The following PDZD2 variants were observed in gnomAD, a reference collection of about 807,000 sequenced individuals.
PDZD2 encodes PDZ domain containing 2, also known as PDZ domain-containing protein 2.
A neutral mutation model predicts 220.7 loss-of-function variants in PDZD2; 90 were observed. The ratio of observed to expected loss-of-function variants is 0.41; its 90% CI spans 0.34 to 0.49. The LOEUF is 0.49. Among genes scored for constraint, PDZD2 ranks in the 20% least tolerant of loss-of-function variants. PDZD2 has a pLI of 0.28. For missense variants in PDZD2, 3,174 were observed against 3,608.5 expected (o/e 0.88, Z 3.08); for synonymous variants, 1,375 against 1,450.5 (o/e 0.95, Z 1.18).
chr5:31,810,891 G>A (rs1755071679), intron 2 of PDZD2, among the ~76,000 whole-genome samples: 1 of 152,228 alleles, frequency 6.6e-6, no homozygotes, highest in Admixed American at 6.5e-5. Flanking sequence ...ATTTCTTCAT[G>A]GGATTCTTCT....
Position 32,013,864 on chromosome 5 carries a change from G to C in PDZD2, c.1407+3382G>C, listed in dbSNP as rs145232376. Among the ~76,000 whole-genome samples the C allele has an allele frequency of 2.7e-3, 410 of 152,220 alleles. 3 individuals carry two copies. The highest frequency in any genetic ancestry group is 0.019 in the Admixed American group (283 of 15,288). On this transcript the variant is annotated intron_variant, in intron 6 of 24. Coordinates refer to ENST00000438447, the MANE Select transcript of PDZD2 (RefSeq NM_178140.4). ...GGCTTCATGCCTGGCCATCACCAAA[G>C]CCTCAACACCCATCATTTCTCAGCC...
At chr5:31,963,043 A>T (rs1353255878) in intron 2 of PDZD2, among the ~76,000 whole-genome samples, 2 of 151,488 alleles carry the variant, frequency 1.3e-5, no homozygotes, top group Admixed American at 1.3e-4. Flanking sequence ...ACACTTGGTA[A>T]TGAAGTGAGT....
intron 1 of PDZD2, among the ~76,000 whole-genome samples, chr5:31,670,716 C>T (rs534066695): frequency 9.2e-5 from 14 of 152,200 alleles, no homozygotes; most frequent in Non-Finnish European, 1.5e-4. Flanking sequence ...CCACCGCGCC[C>T]GGCCAGTTTG....
chr5:31,709,849 G>A (rs760238767), intron 1 of PDZD2, among the ~76,000 whole-genome samples: 25 of 152,194 alleles, frequency 1.6e-4, no homozygotes, highest in Non-Finnish European at 2.5e-4. Flanking sequence ...CCAGCTACTC[G>A]GGAGGCTGAG....
intron 1 of PDZD2, among the ~76,000 whole-genome samples, chr5:31,783,524 G>A (rs1479148471): frequency 6.6e-6 from 1 of 152,148 alleles, no homozygotes; most frequent in African/African-American, 2.4e-5. Context: ...GTCTCACTTG[G>A]CACAGTCTGC....
At chr5:31,886,927 G>C (rs919199265) in intron 2 of PDZD2, among the ~76,000 whole-genome samples, 3 of 152,162 alleles carry the variant, frequency 2.0e-5, no homozygotes, top group African/African-American at 7.2e-5. Context: ...TTAAACTCCT[G>C]ACCTCAGGTG....
At position 32,090,541 on chromosome 5, in the gene PDZD2, T is replaced by G. The variant is rs781591047; in HGVS notation, c.7093T>G (p.Ser2365Ala). 33 of 1,613,676 alleles carry G rather than the reference T, an allele frequency of 2.0e-5. No homozygotes were observed. The change falls in exon 20 of 25, where the codon TCC becomes GCC. Residue 2365 changes from serine (S) to alanine (A), a missense_variant. Transcript: ENST00000438447. This position sits in a 1 kb window ranked among gnomAD's most constrained non-coding sequence, Gnocchi z 4.3. ...GGCTTCCCCATTTTTGTCGGTGAGCTCCAAGCCTCCCATTGGGAGGCGGTC... is the reference window on the plus strand; with the variant it reads ...GGCTTCCCCATTTTTGTCGGTGAGCGCCAAGCCTCCCATTGGGAGGCGGTC... ...SGASPFLSVS[S>A]KPPIGRRSSG...
intron 14 of PDZD2, among the ~76,000 whole-genome samples, chr5:32,065,007 T>C (rs1216471728): frequency 6.7e-6 from 1 of 150,130 alleles, no homozygotes; most frequent in Non-Finnish European, 1.5e-5. Flanking sequence ...TCATTAAGAA[T>C]ATTACCTCTT....
At position 31,854,489 on chromosome 5, in the gene PDZD2, C is replaced by T. The variant is rs560027784; in HGVS notation, c.476+54765C>T. Among the ~76,000 whole-genome samples the T allele has an allele frequency of 2.0e-5, 3 of 152,332 alleles. No individual in the cohort carries two copies. In the East Asian group the frequency reaches 5.8e-4, roughly 29 times the overall value. On this transcript the variant is annotated intron_variant, in intron 2 of 24. Transcript: ENST00000438447. ...TGGAAAGTTCCCTGACATCCTGCCC[C>T]ATACGATGGTTGTGATTTTAGCTGG... is the stretch of plus-strand genomic sequence containing the variant.
intron 1 of PDZD2, among the ~76,000 whole-genome samples, chr5:31,726,667 G>T (rs1749162311): frequency 6.6e-6 from 1 of 152,172 alleles, no homozygotes; most frequent in Admixed American, 6.5e-5. Flanking sequence ...ATTGCAGGAG[G>T]ACAGAGGGTG....
chr5:32,096,798 G>A (rs1369357495), intron 21 of PDZD2, among the ~76,000 whole-genome samples: 2 of 147,556 alleles, frequency 1.4e-5, no homozygotes. Flanking sequence ...CAGAATAAAG[G>A]ATTCCCATCA....
intron 1 of PDZD2, among the ~76,000 whole-genome samples, chr5:31,752,069 G>GTTTTTT (rs1491302993): frequency 4.2e-5 from 4 of 95,854 alleles, no homozygotes; most frequent in African/African-American, 8.8e-5. Flanking sequence ...ATTGTTTTGG[G>GTTTTTT]TTTGTTTTTT....
chr5:31,707,996 T>C (rs1214311352), intron 1 of PDZD2, among the ~76,000 whole-genome samples: 2 of 152,108 alleles, frequency 1.3e-5, no homozygotes, highest in Non-Finnish European at 2.9e-5. Context: ...TCCCAAAATA[T>C]ATGAGAGCTG....
chr5:31,869,168 C>G (rs563480628), intron 2 of PDZD2, among the ~76,000 whole-genome samples: 1 of 152,328 alleles, frequency 6.6e-6, no homozygotes, highest in African/African-American at 2.4e-5. Flanking sequence ...CATGCTTTGT[C>G]TGTATCTTCC....
chr5:31,970,857 C>G lies in PDZD2; in HGVS notation c.477-12298C>G, dbSNP rs143622730. On this transcript the variant is annotated intron_variant, in intron 2 of 24. Transcript: ENST00000438447. The stretch of plus-strand genomic sequence containing the variant: ...CCTAAAGGTATTTATCTTCAGGAGA[C>G]TTCACCATCAACATGCTGACACTTT... Among the ~76,000 whole-genome samples the G allele has an allele frequency of 4.2e-3, 633 of 152,270 alleles. 8 individuals are homozygous for G. The highest frequency in any genetic ancestry group is 0.015 in the African/African-American group (610 of 41,560).
At chr5:32,019,603 A>T (rs1224052208) in intron 6 of PDZD2, among the ~76,000 whole-genome samples, 1 of 152,174 alleles carries the variant, frequency 6.6e-6, no homozygotes, top group Non-Finnish European at 1.5e-5. Context: ...GTTTTGTTTT[A>T]TGTCTACGTT....
At chr5:31,822,548 C>T (rs1440699877) in intron 2 of PDZD2, 17 of 777,852 alleles carry the variant, frequency 2.2e-5, no homozygotes, top group Admixed American at 4.1e-5. Flanking sequence ...AGCTGGACAA[C>T]TCTTAGATCT....
chr5:32,093,110 G>C, intron 21 of PDZD2, 86 bp downstream of exon 21: 4 of 730,896 alleles, frequency 5.5e-6, no homozygotes, highest in Non-Finnish European at 9.7e-6. Flanking sequence ...CAGCCGAGGA[G>C]AGCCCGCCCC....
At chr5:31,925,179 A>C (rs1283888594) in intron 2 of PDZD2, among the ~76,000 whole-genome samples, 1 of 152,226 alleles carries the variant, frequency 6.6e-6, no homozygotes, top group African/African-American at 2.4e-5. Flanking sequence ...TAAAAAGAAC[A>C]AAGTCAGAAG....
Sources: gnomAD v4.1 joint callset for allele counts (sites outside exome capture counted in the v4.1 genomes callset) on GRCh38, gnomAD v4.1.1 for gene constraint, Gnocchi (gnomAD v3.1) non-coding constraint, MANE v1.5 for transcripts, NCBI Gene and HGNC (gene_info 2026-07-23, HGNC 2026-07-21) for gene names.